Variants in RGS6 observed in about 807,000 individuals in gnomAD.
The protein encoded by RGS6 is regulator of G-protein signaling 6.
Under a neutral mutation model 78.5 loss-of-function variants are expected in RGS6, and 30 were observed. The observed-to-expected ratio is 0.38, with a 90% confidence interval of 0.29 to 0.52. The LOEUF is 0.52. Among genes scored for constraint, RGS6 ranks in the 20% least tolerant of loss-of-function variants. The pLI, the probability that RGS6 is intolerant of heterozygous loss-of-function variation, is 0.85. For synonymous variants in RGS6, 206 were observed against 206.0 expected (o/e 1.00, Z 0.00); for missense variants, 495 against 609.7 (o/e 0.81, Z 1.98).
chr14:72,291,076 G>A (rs200857370), intron 2 of RGS6, among the ~76,000 whole-genome samples: 1 of 151,512 alleles, frequency 6.6e-6, no homozygotes, highest in Non-Finnish European at 1.5e-5. Context: ...ACATCCCTGG[G>A]GCCAGGCTAT....
intron 2 of RGS6, among the ~76,000 whole-genome samples, chr14:72,228,699 A>G (rs2048768261): frequency 1.3e-5 from 2 of 152,114 alleles, no homozygotes; most frequent in Admixed American, 1.3e-4. Context: ...CAGGTTAGGG[A>G]CTGAGCAAAG....
intron 17 of RGS6, among the ~76,000 whole-genome samples, chr14:72,560,285 A>C (rs2097653518): frequency 6.6e-6 from 1 of 152,222 alleles, no homozygotes. Context: ...AGTGGCACCT[A>C]AAAGGAGAGC....
chr14:71,942,843 T>C (rs1477160714), intron 1 of RGS6, among the ~76,000 whole-genome samples: 1 of 151,608 alleles, frequency 6.6e-6, no homozygotes, highest in Non-Finnish European at 1.5e-5. Context: ...AGTGTAAATA[T>C]TTGGATATGA....
In RGS6 at chr14:72,345,715, CT is replaced by C. The variant is rs112942685; in HGVS notation, c.85-6378del. Among the ~76,000 whole-genome samples the C allele has an allele frequency of 2.5e-3, 387 of 152,318 alleles. 2 individuals carry two copies. Among genetic ancestry groups the C allele is most frequent in the African/African-American group, 9.0e-3 (376 of 41,580 alleles). On this transcript the variant is annotated intron_variant, in intron 2 of 17. Coordinates refer to ENST00000553525, the MANE Select transcript of RGS6 (RefSeq NM_001204424.2). Reference sequence around the variant, plus strand: ...CATGAGGAAGGAGAACAGATTCTGTCTTCTACCTGTTTTCATAACTGTAGAA... The same window carrying C: ...CATGAGGAAGGAGAACAGATTCTGTCTCTACCTGTTTTCATAACTGTAGAA...
At chr14:72,360,063 A>T (rs1267064132) in intron 3 of RGS6, among the ~76,000 whole-genome samples, 2 of 152,096 alleles carry the variant, frequency 1.3e-5, no homozygotes, top group Non-Finnish European at 2.9e-5. Context: ...AAAAGATAAT[A>T]TGTTTGTATT....
the RGS6 span, among the ~76,000 whole-genome samples, chr14:71,868,201 A>G: frequency 2.0e-5 from 3 of 152,120 alleles, no homozygotes; most frequent in Admixed American, 6.5e-5. Flanking sequence ...GCTCCAGTCT[A>G]GTCTGGGCTT....
chr14:72,388,424 A>G (rs1232786651), intron 3 of RGS6, among the ~76,000 whole-genome samples: 5 of 152,172 alleles, frequency 3.3e-5, no homozygotes, highest in African/African-American at 9.7e-5. Context: ...CGTCAGTGCA[A>G]TAACTAATAC....
intron 17 of RGS6, among the ~76,000 whole-genome samples, chr14:72,556,248 A>AACTT (rs554535344): frequency 2.8e-4 from 43 of 152,306 alleles, no homozygotes; most frequent in East Asian, 1.4e-3. Context: ...AGCCTCAGGA[A>AACTT]ACTTACAATC....
chr14:72,384,374 A>G lies in RGS6; in HGVS notation c.184+32180A>G, dbSNP rs897766133. On this transcript the variant is annotated intron_variant, in intron 3 of 17. Transcript: ENST00000553525. ...TTTCAGTCCACACATGAGAATAGTT[A>G]TTGAATGTTAGAAGTATCTTTTAAA... Among the ~76,000 whole-genome samples, 12 of 152,346 alleles carry G rather than the reference A, an allele frequency of 7.9e-5. No individual in the cohort carries two copies. The East Asian group carries it at 2.3e-3, about 29-fold the overall frequency.
intron 3 of RGS6, among the ~76,000 whole-genome samples, chr14:72,377,249 C>T (rs2084977952): frequency 6.6e-6 from 1 of 152,144 alleles, no homozygotes; most frequent in Non-Finnish European, 1.5e-5. Context: ...AGCAGAGTAG[C>T]TGTACTTATA....
chr14:72,497,328 T>G (rs546815473), intron 13 of RGS6, among the ~76,000 whole-genome samples: 1 of 152,350 alleles, frequency 6.6e-6, no homozygotes, highest in East Asian at 1.9e-4. Context: ...GTTAATATAC[T>G]TGAGAATCTT....
At chr14:72,312,939 C>T (rs2069018551) in intron 2 of RGS6, among the ~76,000 whole-genome samples, 2 of 152,176 alleles carry the variant, frequency 1.3e-5, no homozygotes, top group Admixed American at 6.5e-5. Context: ...TTTGGAGCCC[C>T]TCATTCCTAC....
chr14:71,917,240 G>A, the RGS6 span, among the ~76,000 whole-genome samples: 1 of 152,160 alleles, frequency 6.6e-6, no homozygotes, highest in Non-Finnish European at 1.5e-5. Flanking sequence ...GTGATAGTAT[G>A]GAGATGTGGG....
chr14:72,338,442 G>T (rs939375), intron 2 of RGS6, among the ~76,000 whole-genome samples: 249 of 151,950 alleles, frequency 1.6e-3, no homozygotes, highest in African/African-American at 5.4e-3. Context: ...AGAACAGTAG[G>T]GGGGAAACCC....
chr14:72,120,624 G>T (rs2096023790), intron 2 of RGS6, among the ~76,000 whole-genome samples: 1 of 152,196 alleles, frequency 6.6e-6, no homozygotes, highest in South Asian at 2.1e-4. Context: ...CAGTGGAATA[G>T]TTCTCAGATG....
intron 2 of RGS6, among the ~76,000 whole-genome samples, chr14:72,266,451 C>T (rs542335480): frequency 5.9e-5 from 9 of 152,298 alleles, no homozygotes; most frequent in Middle Eastern, 3.4e-3. Context: ...GCCCCCACCT[C>T]TCTGTGTGTT....
chr14:72,539,906 T>C (rs1270439450), intron 16 of RGS6, 135 bp from the exon 17 acceptor site: 1 of 709,156 alleles, frequency 1.4e-6, no homozygotes, highest in African/African-American at 1.8e-5. Flanking sequence ...GCTTCTCTTT[T>C]CCCATTTTTC....
intron 2 of RGS6, among the ~76,000 whole-genome samples, chr14:72,203,777 A>AAAATATACAC (rs1396681904): frequency 3.3e-5 from 5 of 151,852 alleles, no homozygotes; most frequent in Admixed American, 2.6e-4. Context: ...TGTGAGTGAT[A>AAAATATACAC]AAATATACAC....
intron 17 of RGS6, among the ~76,000 whole-genome samples, chr14:72,558,758 T>G (rs748023040): frequency 8.5e-5 from 13 of 152,224 alleles, no homozygotes; most frequent in Non-Finnish European, 1.8e-4. Flanking sequence ...CAAATTCTAC[T>G]GGATTACACT....
Sources: gnomAD v4.1 joint callset for allele counts (sites outside exome capture counted in the v4.1 genomes callset) on GRCh38, gnomAD v4.1.1 for gene constraint, MANE v1.5 for transcripts, NCBI Gene and HGNC (gene_info 2026-07-23, HGNC 2026-07-21) for gene names.